Variants in POLA2 observed in about 807,000 individuals in gnomAD.
POLA2 encodes the protein DNA polymerase alpha 2, accessory subunit.
Under a neutral mutation model 82.8 loss-of-function variants are expected in POLA2, and 47 were observed. The ratio of observed to expected loss-of-function variants is 0.57; its 90% CI spans 0.45 to 0.72. POLA2 has a LOEUF of 0.72. POLA2 is among the 30% of genes least tolerant of loss of function. The pLI, the probability that POLA2 is intolerant of heterozygous loss-of-function variation, is 0.00. For missense variants in POLA2, 634 were observed against 728.1 expected (o/e 0.87, Z 1.49); for synonymous variants, 287 against 286.8 (o/e 1.00, Z -0.01).
downstream of POLA2, among the ~76,000 whole-genome samples, chr11:65,300,211 T>C (rs549774393): frequency 1.3e-5 from 2 of 152,166 alleles, no homozygotes; most frequent in East Asian, 1.9e-4. Flanking sequence ...CTCTTTTTTT[T>C]TGAGACAGAG....
intron 3 of POLA2, 122 bp from the exon 4 acceptor site, chr11:65,268,550 G>A: frequency 1.6e-6 from 1 of 632,762 alleles, no homozygotes; most frequent in Non-Finnish European, 2.8e-6. Flanking sequence ...CACTGTGTTA[G>A]CCAGGATGGT....
chr11:65,288,926 C>T lies in POLA2; in HGVS notation c.1132-124C>T, dbSNP rs533253800. 118 of 867,086 alleles carry T rather than the reference C, an allele frequency of 1.4e-4. No individual in the cohort carries two copies. The Middle Eastern group carries it at 1.7e-3, about 13-fold the overall frequency. The allele number at this position is 867,086 out of a possible 1,614,324, so 53.7% of individuals were successfully genotyped here. A position where few individuals can be genotyped will look rare whatever the true frequency, so the allele number is the denominator to read the frequency against. ...ATCTGCTAACTGTCCCCAGGCTCTA[C>T]AGGCAGCCTTGGAGGGACAGATGAG... is the stretch of plus-strand genomic sequence containing the variant. On this transcript the variant is annotated intron_variant, in intron 11 of 17. Transcript: ENST00000265465.
At chr11:65,289,119 G>A (rs890438424) in intron 12 of POLA2, 31 bp downstream of exon 12, 12 of 1,588,204 alleles carry the variant, frequency 7.6e-6, no homozygotes, top group Non-Finnish European at 1.0e-5. Flanking sequence ...AGGGGTCCTG[G>A]GTACTTGAAT....
intron 4 of POLA2, 78 bp downstream of exon 4, chr11:65,268,807 GAAA>G: frequency 3.2e-6 from 3 of 950,674 alleles, no homozygotes; most frequent in Non-Finnish European, 4.7e-6. Flanking sequence ...AGATCTGAGG[GAAA>G]AAATCAACCA....
chr11:65,297,464 T>C lies in POLA2; in HGVS notation c.*195T>C. On this transcript the variant is annotated 3_prime_UTR_variant, in exon 18 of 18. Coordinates refer to ENST00000265465, the MANE Select transcript of POLA2 (RefSeq NM_002689.4). Reference sequence around the variant, plus strand: ...GCCTGCCTCTGAGTGGTGCCTCTCCTGGAAGGAAGCTCTTGCTTCTCAGTC... The same window carrying C: ...GCCTGCCTCTGAGTGGTGCCTCTCCCGGAAGGAAGCTCTTGCTTCTCAGTC... 2.0e-6 allele frequency: 1 copy of C among 502,474 alleles called. No homozygotes were observed. The highest frequency in any genetic ancestry group is 3.5e-5 in the East Asian group (1 of 28,730). 31.1% of individuals were successfully genotyped at this position (502,474 alleles called of 1,614,324 possible). A position where few individuals can be genotyped will look rare whatever the true frequency, so the allele number is the denominator to read the frequency against.
intron 12 of POLA2, among the ~76,000 whole-genome samples, chr11:65,289,556 T>A (rs941626072): frequency 6.6e-6 from 1 of 152,202 alleles, no homozygotes; most frequent in Non-Finnish European, 1.5e-5. Context: ...ATGGAAAATA[T>A]TTCAAAGTAC....
intron 1 of POLA2, among the ~76,000 whole-genome samples, chr11:65,265,200 G>A (rs1440883571): frequency 1.3e-5 from 2 of 148,752 alleles, no homozygotes; most frequent in African/African-American, 4.9e-5. Flanking sequence ...CTGCATTCCA[G>A]CCTGGCAACA....
chr11:65,284,245 TG>T, intron 10 of POLA2, among the ~76,000 whole-genome samples: 1 of 152,184 alleles, frequency 6.6e-6, no homozygotes, highest in South Asian at 2.1e-4. Flanking sequence ...GAGGCCAAGG[TG>T]AGAGAATTGC....
chr11:65,280,644 T>C (rs1407121478), intron 7 of POLA2: 3 of 256,278 alleles, frequency 1.2e-5, no homozygotes, highest in Non-Finnish European at 2.3e-5. Flanking sequence ...TTAGCTATTA[T>C]TAAGTAGTTA....
rs1949800661 is a variant in POLA2 at position 65,295,539 on chromosome 11, G to T, written c.1461-1G>T. On this transcript the variant is annotated splice_acceptor_variant, in intron 15 of 17. Coordinates refer to ENST00000265465, the MANE Select transcript of POLA2 (RefSeq NM_002689.4). LOFTEE classifies it high-confidence loss of function. ...TTTTCATGCTTTCTTTTCTTTCCCA[G>T]TTCTTCCGGAACTTCAGACAGATTC... The T allele has an allele frequency of 6.2e-7, 1 of 1,613,460 alleles. No homozygotes were observed. Among genetic ancestry groups the T allele is most frequent in the Non-Finnish European group, 8.5e-7 (1 of 1,179,532 alleles).
chr11:65,267,163 G>A (rs1466725622), intron 2 of POLA2, among the ~76,000 whole-genome samples: 4 of 151,934 alleles, frequency 2.6e-5, no homozygotes, highest in Non-Finnish European at 2.9e-5. Flanking sequence ...CTGAGATTGC[G>A]CCACTGCACT....
downstream of POLA2, among the ~76,000 whole-genome samples, chr11:65,300,193 A>G (rs1012539578): frequency 6.6e-6 from 1 of 152,046 alleles, no homozygotes; most frequent in African/African-American, 2.4e-5. Flanking sequence ...GGAATCATAC[A>G]ATACATCCTC....
chr11:65,266,371 CT>C (rs1401083576), intron 1 of POLA2: 5 of 538,400 alleles, frequency 9.3e-6, no homozygotes, highest in African/African-American at 7.6e-5. Context: ...ATTGGTCCCC[CT>C]GATTCTGCCC....
intron 4 of POLA2, among the ~76,000 whole-genome samples, chr11:65,274,984 C>A (rs1949561389): frequency 6.6e-6 from 1 of 152,104 alleles, no homozygotes; most frequent in South Asian, 2.1e-4. Flanking sequence ...TGAGCCACCA[C>A]CCCTGGCCTA....
chr11:65,262,230 G>T lies in POLA2; in HGVS notation c.-63G>T. The stretch of plus-strand genomic sequence containing the variant: ...GGAGCTCATCGCTCGCCACCCCCGT[G>T]GGCTTCTTGGGCGCAGGTCGGAGCT... On this transcript the variant is annotated 5_prime_UTR_variant, in exon 1 of 18. Transcript: ENST00000265465. The T allele has an allele frequency of 7.5e-7, 1 of 1,326,814 alleles. No homozygotes were observed. 82.2% of individuals were successfully genotyped at this position (1,326,814 alleles called of 1,614,324 possible).
intron 4 of POLA2, among the ~76,000 whole-genome samples, chr11:65,273,074 C>T (rs889203298): frequency 6.6e-6 from 1 of 150,888 alleles, no homozygotes; most frequent in Non-Finnish European, 1.5e-5. Flanking sequence ...AATCCTAGCA[C>T]TTTGGGAGGC....
chr11:65,295,977 G>A lies in POLA2; in HGVS notation c.1634G>A (p.Arg545Lys). Residue 545 changes from arginine to lysine, a missense_variant, in exon 17 of 18, where the codon AGG (arginine) becomes AAG (lysine). Physicochemically the swap from Arg to Lys is conservative, Grantham distance 26. Coordinates refer to ENST00000265465, the MANE Select transcript of POLA2 (RefSeq NM_002689.4). ...GTCCTCATCATCCCGTCAGAGCTGAGGTACTTCGTGAAGGTAGGTTTGAAC... is the reference window on the plus strand; with the variant it reads ...GTCCTCATCATCCCGTCAGAGCTGAAGTACTTCGTGAAGGTAGGTTTGAAC... ...PDVLIIPSEL[R>K]YFVKDVLGCV... 2 of 1,614,188 alleles carry A rather than the reference G, an allele frequency of 1.2e-6. No individual in the cohort carries two copies. Among genetic ancestry groups the A allele is most frequent in the Non-Finnish European group, 8.5e-7 (1 of 1,180,020 alleles).
intron 1 of POLA2, among the ~76,000 whole-genome samples, chr11:65,265,557 T>C (rs1949450652): frequency 6.6e-6 from 1 of 152,150 alleles, no homozygotes; most frequent in South Asian, 2.1e-4. Context: ...CACAGCTCAC[T>C]GCAGCCTCAA....
At chr11:65,299,726 C>A (rs1332561676), downstream of POLA2, among the ~76,000 whole-genome samples, 1 of 152,212 alleles carries the variant, frequency 6.6e-6, no homozygotes, top group Admixed American at 6.5e-5. Flanking sequence ...GAGTCTCACT[C>A]TGTCGTCCGG....
Sources: allele counts gnomAD v4.1 joint callset (sites outside exome capture counted in the v4.1 genomes callset), GRCh38; gene constraint gnomAD v4.1.1; transcripts MANE v1.5; gene names NCBI Gene and HGNC (gene_info 2026-07-23, HGNC 2026-07-21).